Variants in CALN1 observed in about 807,000 individuals in gnomAD.
CALN1 encodes the protein calcium-binding protein 8.
CALN1 carries 17 observed loss-of-function variants against 30.6 expected under a neutral mutation model. That is an observed-to-expected ratio of 0.56 (90% CI 0.38 to 0.83). CALN1 has a LOEUF of 0.83. CALN1 is among the 40% of genes least tolerant of loss of function. The pLI, the probability that CALN1 is intolerant of heterozygous loss-of-function variation, is 0.00. For synonymous variants in CALN1, 156 were observed against 131.4 expected (o/e 1.19, Z -1.28); for missense variants, 291 against 354.9 (o/e 0.82, Z 1.45).
intron 5 of CALN1, among the ~76,000 whole-genome samples, chr7:71,857,844 AG>A (rs1449929931): frequency 7.2e-5 from 11 of 152,338 alleles, no homozygotes; most frequent in African/African-American, 2.6e-4. Context: ...AATGAGAAAT[AG>A]CTGAGTCCTT....
At chr7:72,139,022 C>T (rs1214036637) in intron 3 of CALN1, among the ~76,000 whole-genome samples, 1 of 152,220 alleles carries the variant, frequency 6.6e-6, no homozygotes, top group Non-Finnish European at 1.5e-5. Context: ...GACTCCTTCC[C>T]TTCTTGTTGA....
Position 71,923,397 on chromosome 7 carries a change from T to G in CALN1, c.501+100260A>C, listed in dbSNP as rs565942897. Among the ~76,000 whole-genome samples, 11 of 152,314 alleles carry G rather than the reference T, an allele frequency of 7.2e-5. No individual in the cohort carries two copies. The South Asian group carries it at 2.3e-3, about 32-fold the overall frequency. On this transcript the variant is annotated intron_variant, in intron 5 of 6. Transcript: ENST00000395275. ...GCTTGAAGGAAGAATGCATTTTATT[T>G]GGGAAATGGTGGCTCCCCTATGCAC... is the stretch of plus-strand genomic sequence containing the variant.
chr7:71,795,613 C>T (rs1786851412), intron 6 of CALN1, among the ~76,000 whole-genome samples: 1 of 152,064 alleles, frequency 6.6e-6, no homozygotes, highest in African/African-American at 2.4e-5. Context: ...AAATCCCAGG[C>T]ACATTAACAG....
intron 1 of CALN1, among the ~76,000 whole-genome samples, chr7:72,410,972 ATATGAT>A (rs1326058309): frequency 2.0e-5 from 3 of 152,230 alleles, no homozygotes; most frequent in South Asian, 4.1e-4. Context: ...TTTTAAGGTG[ATATGAT>A]TATATGTATG....
At chr7:72,498,919 T>C in the CALN1 span, among the ~76,000 whole-genome samples, 868 of 152,248 alleles carry the variant, frequency 5.7e-3, 6 homozygotes, top group Non-Finnish European at 9.8e-3. Flanking sequence ...TTAAGATAAA[T>C]TGACTCATAC....
chr7:72,027,957 G>A (rs1801186297), intron 4 of CALN1, among the ~76,000 whole-genome samples: 1 of 151,374 alleles, frequency 6.6e-6, no homozygotes, highest in South Asian at 2.1e-4. Flanking sequence ...TACGTGGGAG[G>A]CTGAGGCAGG....
intron 4 of CALN1, among the ~76,000 whole-genome samples, chr7:72,053,285 C>A (rs923002945): frequency 6.6e-6 from 1 of 152,118 alleles, no homozygotes; most frequent in Non-Finnish European, 1.5e-5. Flanking sequence ...CAGAGTACAC[C>A]AAAGACTCCC....
chr7:72,304,655 C>G (rs918951133), intron 2 of CALN1, among the ~76,000 whole-genome samples: 1 of 151,830 alleles, frequency 6.6e-6, no homozygotes, highest in Non-Finnish European at 1.5e-5. Context: ...TTTTATTATC[C>G]TATTCTTATA....
intron 5 of CALN1, among the ~76,000 whole-genome samples, chr7:71,952,533 C>T (rs796096616): frequency 4.6e-5 from 7 of 152,244 alleles, no homozygotes; most frequent in African/African-American, 1.7e-4. Context: ...TTGAGGCTAG[C>T]GGCACATAAA....
Position 72,381,610 on chromosome 7 carries a change from G to A in CALN1, c.119+21641C>T, listed in dbSNP as rs189831444. Reference sequence around the variant, plus strand: ...CAAACTAACACAGGAACAGAAACCCGAACACCCCGTGTTCTCACTCATAAG... The same window carrying A: ...CAAACTAACACAGGAACAGAAACCCAAACACCCCGTGTTCTCACTCATAAG... On this transcript the variant is annotated intron_variant, in intron 2 of 6. Coordinates refer to ENST00000395275, the MANE Select transcript of CALN1 (RefSeq NM_031468.4). Among the ~76,000 whole-genome samples, 55 of 152,226 alleles carry A rather than the reference G, an allele frequency of 3.6e-4. No individual in the cohort carries two copies. In the East Asian group the frequency reaches 7.7e-3, roughly 21 times the overall value.
chr7:71,835,107 G>A (rs761205278), intron 5 of CALN1, among the ~76,000 whole-genome samples: 18 of 152,152 alleles, frequency 1.2e-4, no homozygotes, highest in Non-Finnish European at 2.5e-4. Context: ...CCAATGTGCT[G>A]GGATTACAGG....
chr7:72,076,092 G>A (rs1473440339), intron 4 of CALN1, among the ~76,000 whole-genome samples: 1 of 152,106 alleles, frequency 6.6e-6, no homozygotes, highest in African/African-American at 2.4e-5. Context: ...AGCAAGCTCA[G>A]TGAAAATCTT....
At chr7:72,032,299 G>C (rs1253671436) in intron 4 of CALN1, among the ~76,000 whole-genome samples, 2 of 150,578 alleles carry the variant, frequency 1.3e-5, no homozygotes, top group Non-Finnish European at 1.5e-5. Context: ...GCCCGCCTTG[G>C]CCTCCCAAAG....
chr7:71,849,802 C>A, intron 5 of CALN1, among the ~76,000 whole-genome samples: 1 of 152,102 alleles, frequency 6.6e-6, no homozygotes, highest in East Asian at 1.9e-4. Context: ...TGCCACCACA[C>A]CTCTGTCATT....
rs576290727 is a variant in CALN1 at position 72,082,768 on chromosome 7, G to T, written c.388+23383C>A. The stretch of plus-strand genomic sequence containing the variant: ...AGAACTCCTATCCAACTCAACTACG[G>T]ATTACATTGCGTGAAAGCCTGACTC... On this transcript the variant is annotated intron_variant, in intron 4 of 6. Coordinates refer to ENST00000395275, the MANE Select transcript of CALN1 (RefSeq NM_031468.4). Among the ~76,000 whole-genome samples the T allele has an allele frequency of 6.6e-5, 10 of 152,280 alleles. No homozygotes were observed. The South Asian group carries it at 1.7e-3, about 25-fold the overall frequency.
At chr7:72,224,384 A>G (rs1010134448) in intron 3 of CALN1, among the ~76,000 whole-genome samples, 1 of 152,156 alleles carries the variant, frequency 6.6e-6, no homozygotes, top group Non-Finnish European at 1.5e-5. Context: ...TTTTGGATGG[A>G]TATCACAGGG....
chr7:71,863,485 G>A (rs1024045342), intron 5 of CALN1, among the ~76,000 whole-genome samples: 1 of 147,452 alleles, frequency 6.8e-6, no homozygotes. Flanking sequence ...TTGAACCTGG[G>A]AGGCAGGGAT....
At chr7:71,829,558 C>G (rs992102915) in intron 5 of CALN1, among the ~76,000 whole-genome samples, 8 of 152,214 alleles carry the variant, frequency 5.3e-5, no homozygotes, top group Admixed American at 4.6e-4. Context: ...CAAGAGCTCA[C>G]TCTGTCTGGA....
intron 5 of CALN1, among the ~76,000 whole-genome samples, chr7:71,896,003 A>G (rs1354506495): frequency 6.6e-6 from 1 of 152,188 alleles, no homozygotes; most frequent in Non-Finnish European, 1.5e-5. Flanking sequence ...TCCTGAGAAT[A>G]ATGATCTCAG....
Sources: allele counts gnomAD v4.1 joint callset (sites outside exome capture counted in the v4.1 genomes callset), GRCh38; gene constraint gnomAD v4.1.1; transcripts MANE v1.5; gene names NCBI Gene and HGNC (gene_info 2026-07-23, HGNC 2026-07-21).